Variants in ANK2 observed in about 807,000 individuals in gnomAD.
ANK2 encodes ankyrin-2.
ANK2 carries 83 observed loss-of-function variants against 360.5 expected under a neutral mutation model. The observed-to-expected ratio is 0.23, with a 90% CI of 0.19 to 0.28. The LOEUF (loss-of-function observed/expected upper bound fraction) is 0.28, where lower values mean the gene tolerates loss of function less well. Ranked by LOEUF, ANK2 falls within the 10% of genes least tolerant of loss-of-function variation. The pLI, the probability that ANK2 is intolerant of heterozygous loss-of-function variation, is 1.00. For synonymous variants in ANK2, 1,740 were observed against 1,759.5 expected (o/e 0.99, Z 0.28); for missense variants, 4,201 against 4,795.7 (o/e 0.88, Z 3.66).
chr4:113,159,848 C>T lies in ANK2; in HGVS notation c.85-14568C>T, dbSNP rs186397709. Among the ~76,000 whole-genome samples the T allele has an allele frequency of 4.4e-3, 662 of 152,102 alleles. 7 individuals are homozygous for T. The highest frequency in any genetic ancestry group is 0.015 in the African/African-American group (622 of 41,504). ...TGTTGGCCAGGCTGGTCTCAAACTC[C>T]TGACCTCAGGTGATCTGCCTGCCTC... On this transcript the variant is annotated intron_variant, in intron 1 of 45. Transcript: ENST00000357077.
At chr4:113,028,621 G>T (rs2059757663) in intron 2 of ANK2, among the ~76,000 whole-genome samples, 1 of 152,158 alleles carries the variant, frequency 6.6e-6, no homozygotes, top group Admixed American at 6.6e-5. Context: ...GAAGGCTGGA[G>T]ATTTATTTTG....
intron 4 of ANK2, among the ~76,000 whole-genome samples, chr4:113,205,556 G>T (rs1196493719): frequency 6.6e-6 from 1 of 152,022 alleles, no homozygotes; most frequent in East Asian, 1.9e-4. Context: ...TCAAAAGAAG[G>T]CTTTCCTATT....
intron 26 of ANK2, among the ~76,000 whole-genome samples, chr4:113,325,104 A>G (rs1455408173): frequency 6.6e-6 from 1 of 152,198 alleles, no homozygotes; most frequent in East Asian, 1.9e-4. Flanking sequence ...AAGAGTTTCT[A>G]CTTTGCATGA....
intron 1 of ANK2, among the ~76,000 whole-genome samples, chr4:112,862,239 C>T (rs1309943814): frequency 2.6e-5 from 4 of 152,166 alleles, no homozygotes; most frequent in African/African-American, 7.2e-5. Flanking sequence ...GAAGGAAGAG[C>T]TTTAGTGCAG....
At chr4:113,313,789 G>C (rs1211024192) in intron 24 of ANK2, 2 of 149,106 alleles carry the variant, frequency 1.3e-5, no homozygotes, top group Non-Finnish European at 3.0e-5. Flanking sequence ...TTGCCGGGGC[G>C]GGGGGTGAGG....
chr4:113,354,934 A>G lies in ANK2; in HGVS notation c.6316A>G (p.Arg2106Gly), dbSNP rs1004588860. The G allele has an allele frequency of 9.3e-6, 15 of 1,614,140 alleles. No individual in the cohort carries two copies. The highest frequency in any genetic ancestry group is 3.3e-5 in the Admixed American group (2 of 60,018). Residue 2106 changes from arginine (R) to glycine (G), a missense_variant, in exon 38 of 46, where the codon AGA becomes GGA. Physicochemically the swap from Arg to Gly is moderately radical, Grantham distance 125. Around this residue, in one of 4 missense-constraint regions of ANK2, gnomAD observed 2,642 missense variants for 2,714.5 expected, o/e 0.97. Coordinates refer to ENST00000357077, the MANE Select transcript of ANK2 (RefSeq NM_001148.6). The part of the protein sequence containing the change: ...VQSVPEEESH[R>G]ESEVPKEKMA... ...GTCAGTGCCTGAAGAAGAAAGCCAC[A>G]GAGAGAGCGAAGTGCCCAAAGAAAA...
chr4:113,257,937 G>T, intron 11 of ANK2, 113 bp from the exon 12 acceptor site: 1 of 1,066,030 alleles, frequency 9.4e-7, no homozygotes, highest in Non-Finnish European at 1.4e-6. Flanking sequence ...AGGGATTGAA[G>T]AAATGGTAAC....
rs1416016915 is a variant in ANK2, at chr4:113,278,495, T to C, written c.1818T>C (p.Tyr606=). 1.9e-6 allele frequency: 3 copies of C among 1,613,948 alleles called. No individual in the cohort carries two copies. The highest frequency in any genetic ancestry group is 2.5e-6 in the Non-Finnish European group (3 of 1,179,970). The change falls in exon 17 of 46, where the codon TAT becomes TAC. Residue 606 remains tyrosine, a synonymous_variant. Coordinates refer to ENST00000357077, the MANE Select transcript of ANK2 (RefSeq NM_001148.6). ...CCCCGCTCCATGTTGCTGCTCATTA[T>C]GACAACCAGAAGGTGGCGCTGCTGT... ...GLTPLHVAAH[Y]DNQKVALLLL...
At chr4:112,885,273 G>T (rs1260606228) in intron 1 of ANK2, among the ~76,000 whole-genome samples, 2 of 151,958 alleles carry the variant, frequency 1.3e-5, no homozygotes, top group Non-Finnish European at 2.9e-5. Flanking sequence ...GGCTGAGGCG[G>T]GTGGATCACG....
chr4:113,193,079 A>G (rs2098696833), intron 2 of ANK2, among the ~76,000 whole-genome samples: 2 of 152,198 alleles, frequency 1.3e-5, no homozygotes, highest in Admixed American at 6.5e-5. Context: ...TCTTCAAAGT[A>G]TTCTTATTCT....
At chr4:113,026,589 A>G (rs1434551241) in intron 2 of ANK2, among the ~76,000 whole-genome samples, 2 of 152,194 alleles carry the variant, frequency 1.3e-5, no homozygotes, top group Non-Finnish European at 1.5e-5. Flanking sequence ...AGGTATTTTC[A>G]GTGGACAGGG....
chr4:112,802,950 C>T, the ANK2 span, among the ~76,000 whole-genome samples: 152 of 152,274 alleles, frequency 1.0e-3, no homozygotes, highest in South Asian at 1.7e-3. Flanking sequence ...GACTGATGCT[C>T]AACTGGTACT....
At chr4:112,922,613 A>G (rs933757709) in intron 2 of ANK2, among the ~76,000 whole-genome samples, 2 of 152,220 alleles carry the variant, frequency 1.3e-5, no homozygotes, top group Admixed American at 6.5e-5. Context: ...TAGACTGTTT[A>G]GCCTTGTGTG....
At chr4:113,178,467 G>T (rs186749901) in intron 2 of ANK2, among the ~76,000 whole-genome samples, 1 of 151,640 alleles carries the variant, frequency 6.6e-6, no homozygotes, top group South Asian at 2.1e-4. Flanking sequence ...AGCTACTTGG[G>T]AGGCTGAGGT....
intron 1 of ANK2, among the ~76,000 whole-genome samples, chr4:112,866,832 T>C (rs1411028509): frequency 2.0e-5 from 3 of 152,174 alleles, no homozygotes; most frequent in South Asian, 4.1e-4. Flanking sequence ...TTCCGCATTG[T>C]CTACTGATAA....
chr4:113,105,908 G>T (rs1314199833), intron 1 of ANK2, among the ~76,000 whole-genome samples: 1 of 152,272 alleles, frequency 6.6e-6, no homozygotes, highest in East Asian at 1.9e-4. Context: ...AACCTACAAT[G>T]AAGTTAAGAG....
intron 1 of ANK2, chr4:112,826,840 C>T: frequency 1.5e-6 from 2 of 1,320,982 alleles, no homozygotes; most frequent in Non-Finnish European, 2.2e-6. Context: ...GAGAATGGAA[C>T]AATATGCTTC....
At chr4:113,293,397 C>A (rs1207902346) in intron 21 of ANK2, 43 bp from the exon 22 acceptor site, 2 of 1,557,658 alleles carry the variant, frequency 1.3e-6, no homozygotes, top group Admixed American at 3.4e-5. Flanking sequence ...CATCGCAGTC[C>A]TCTCTCTTAT....
At chr4:112,927,376 A>G (rs1005928315) in intron 2 of ANK2, among the ~76,000 whole-genome samples, 3 of 152,054 alleles carry the variant, frequency 2.0e-5, no homozygotes, top group African/African-American at 4.8e-5. Context: ...TCCTTACGTG[A>G]CTCAGATTTG....
Sources: gnomAD v4.1 joint callset for allele counts (sites outside exome capture counted in the v4.1 genomes callset) on GRCh38, gnomAD v4.1.1 for gene constraint, gnomAD v4.1.1 regional missense constraint, MANE v1.5 for transcripts, NCBI Gene and HGNC (gene_info 2026-07-23, HGNC 2026-07-21) for gene names.